Variants in MMP16 observed in about 807,000 individuals in gnomAD.
MMP16 encodes matrix metalloproteinase-16.
A neutral mutation model predicts 67.8 loss-of-function variants in MMP16; 12 were observed. That is an observed-to-expected ratio of 0.18 (90% CI 0.11 to 0.29). The LOEUF (loss-of-function observed/expected upper bound fraction) is 0.29, where lower values mean the gene tolerates loss of function less well. MMP16 is among the 10% of genes least tolerant of loss of function. MMP16 has a pLI of 1.00. For missense variants in MMP16, 475 were observed against 765.7 expected (o/e 0.62, Z 4.48); for synonymous variants, 249 against 255.9 (o/e 0.97, Z 0.26).
chr8:88,225,873 A>G (rs1262628633), intron 1 of MMP16, among the ~76,000 whole-genome samples: 1 of 151,670 alleles, frequency 6.6e-6, no homozygotes, highest in Non-Finnish European at 1.5e-5. Flanking sequence ...TATTCTTTCC[A>G]TTTCTATTTC....
chr8:88,216,952 T>C (rs1809604346), intron 1 of MMP16, among the ~76,000 whole-genome samples: 2 of 152,088 alleles, frequency 1.3e-5, no homozygotes, highest in African/African-American at 4.8e-5. Context: ...CTTTTATATT[T>C]ATATATATGT....
chr8:88,097,026 G>A (rs185644869), intron 6 of MMP16, among the ~76,000 whole-genome samples: 21 of 151,914 alleles, frequency 1.4e-4, no homozygotes, highest in African/African-American at 5.1e-4. Flanking sequence ...TCCACTGTAG[G>A]TTTTAGTTCT....
chr8:88,264,654 T>C (rs1810446199), intron 1 of MMP16, among the ~76,000 whole-genome samples: 1 of 152,180 alleles, frequency 6.6e-6, no homozygotes, highest in African/African-American at 2.4e-5. Context: ...TCAGAAATGA[T>C]CATTTGAAAT....
At chr8:88,307,556 T>C (rs1811229265) in intron 1 of MMP16, among the ~76,000 whole-genome samples, 1 of 152,090 alleles carries the variant, frequency 6.6e-6, no homozygotes, top group African/African-American at 2.4e-5. Flanking sequence ...ATAAAGATTC[T>C]AGAATGAATT....
intron 1 of MMP16, among the ~76,000 whole-genome samples, chr8:88,263,934 C>G (rs1049407079): frequency 8.6e-5 from 13 of 151,412 alleles, no homozygotes; most frequent in Non-Finnish European, 1.8e-4. Flanking sequence ...TTTTTGGCCG[C>G]AACCTCCCTA....
intron 4 of MMP16, among the ~76,000 whole-genome samples, chr8:88,128,367 T>C (rs1378637368): frequency 6.6e-6 from 1 of 151,782 alleles, no homozygotes; most frequent in Non-Finnish European, 1.5e-5. Flanking sequence ...TACACAGCAA[T>C]TGAATTTAAG....
At chr8:88,124,292 C>T (rs187941564) in intron 4 of MMP16, among the ~76,000 whole-genome samples, 7 of 151,926 alleles carry the variant, frequency 4.6e-5, no homozygotes, top group Middle Eastern at 3.4e-3. Flanking sequence ...AATAGTCATA[C>T]GTGCCAAGTA....
chr8:88,248,642 T>C (rs1335659073), intron 1 of MMP16, among the ~76,000 whole-genome samples: 1 of 152,042 alleles, frequency 6.6e-6, no homozygotes, highest in African/African-American at 2.4e-5. Context: ...ACTTCCATTC[T>C]GGGTCTCTGA....
At chr8:88,092,368 C>T (rs1366694775) in intron 6 of MMP16, among the ~76,000 whole-genome samples, 2 of 151,852 alleles carry the variant, frequency 1.3e-5, no homozygotes, top group Non-Finnish European at 2.9e-5. Flanking sequence ...TAAAATGTCA[C>T]CACTTCAGAA....
intron 1 of MMP16, among the ~76,000 whole-genome samples, chr8:88,248,261 AATAG>A (rs1192832427): frequency 6.6e-6 from 1 of 152,122 alleles, no homozygotes; most frequent in Non-Finnish European, 1.5e-5. Flanking sequence ...AATATCATCA[AATAG>A]ATAAGAATTT....
At chr8:88,197,614 T>C (rs547568144) in intron 1 of MMP16, among the ~76,000 whole-genome samples, 1 of 152,304 alleles carries the variant, frequency 6.6e-6, no homozygotes, top group Admixed American at 6.5e-5. Context: ...TAAGTAAGAT[T>C]ATCCCTGTCC....
intron 6 of MMP16, among the ~76,000 whole-genome samples, chr8:88,111,994 A>G (rs1179072423): frequency 6.6e-6 from 1 of 151,800 alleles, no homozygotes; most frequent in African/African-American, 2.4e-5. Context: ...TGGGTAAATG[A>G]TGAAATTCTT....
rs1314484499 is a variant in MMP16, at chr8:88,032,885, T to C, written c.*8576A>G. ...CTTAATGAAATAGTGTTGAGTGTAA[T>C]GAGAACAATGCAGAAACTTAAATCT... On this transcript the variant is annotated 3_prime_UTR_variant, in exon 10 of 10. Coordinates refer to ENST00000286614, the MANE Select transcript of MMP16 (RefSeq NM_005941.5). 2 of 152,086 alleles carry C rather than the reference T, an allele frequency of 1.3e-5. No homozygotes were observed. The highest frequency in any genetic ancestry group is 2.9e-5 in the Non-Finnish European group (2 of 67,988). The allele number at this position is 152,086 out of a possible 1,614,324, so 9.4% of individuals were successfully genotyped here. A position where few individuals can be genotyped will look rare whatever the true frequency, so the allele number is the denominator to read the frequency against.
At chr8:88,290,512 C>T (rs1810910483) in intron 1 of MMP16, among the ~76,000 whole-genome samples, 1 of 151,834 alleles carries the variant, frequency 6.6e-6, no homozygotes, top group African/African-American at 2.4e-5. Context: ...GATATTGTGC[C>T]ACTGAACTCC....
At chr8:88,055,550 A>C (rs2118224166) in intron 8 of MMP16, among the ~76,000 whole-genome samples, 2 of 152,334 alleles carry the variant, frequency 1.3e-5, no homozygotes, top group East Asian at 3.9e-4. Context: ...CATTTTGTGA[A>C]CACTGTTAGC....
intron 6 of MMP16, among the ~76,000 whole-genome samples, chr8:88,085,953 G>C (rs1808826981): frequency 6.6e-6 from 1 of 151,680 alleles, no homozygotes; most frequent in Non-Finnish European, 1.5e-5. Flanking sequence ...TTCTAACTTA[G>C]AGAATACTAA....
chr8:88,275,540 T>A (rs932100898), intron 1 of MMP16, among the ~76,000 whole-genome samples: 1 of 151,944 alleles, frequency 6.6e-6, no homozygotes, highest in Non-Finnish European at 1.5e-5. Flanking sequence ...AACTACATCA[T>A]GGGGTGGCCT....
At chr8:88,188,751 G>C (rs1429783145) in intron 2 of MMP16, among the ~76,000 whole-genome samples, 2 of 151,916 alleles carry the variant, frequency 1.3e-5, no homozygotes, top group Non-Finnish European at 2.9e-5. Flanking sequence ...CACCTCCCGG[G>C]TTCAAGCAAT....
At chr8:88,142,953 T>A (rs2118505659) in intron 4 of MMP16, among the ~76,000 whole-genome samples, 1 of 152,322 alleles carries the variant, frequency 6.6e-6, no homozygotes, top group African/African-American at 2.4e-5. Flanking sequence ...AGACTAATAA[T>A]CATTTTGTCC....
Sources: allele counts gnomAD v4.1 joint callset (sites outside exome capture counted in the v4.1 genomes callset), GRCh38; gene constraint gnomAD v4.1.1; transcripts MANE v1.5; gene names NCBI Gene and HGNC (gene_info 2026-07-23, HGNC 2026-07-21).